The following CCBE1 variants were observed in gnomAD, a reference collection of about 807,000 sequenced individuals.
CCBE1 encodes collagen and calcium binding EGF domains 1.
Under a neutral mutation model 50.0 loss-of-function variants are expected in CCBE1, and 37 were observed. The ratio of observed to expected loss-of-function variants is 0.74; its 90% CI spans 0.57 to 0.97. CCBE1 has a LOEUF of 0.97. Ranked by LOEUF, CCBE1 falls within the 50% of genes least tolerant of loss-of-function variation. The pLI is 0.00. For missense variants in CCBE1, 538 were observed against 523.8 expected (o/e 1.03, Z -0.26); for synonymous variants, 234 against 203.7 (o/e 1.15, Z -1.27).
In CCBE1 at chr18:59,467,345, G is replaced by A. The variant is rs1410415772; in HGVS notation, c.401-454C>T. On this transcript the variant is annotated intron_variant, in intron 4 of 10. Transcript: ENST00000439986. ...TTTTTAAGTTTCCCTTTATGGTATA[G>A]GTTCCAAACAGCATGACGATGACCC... Among the ~76,000 whole-genome samples the A allele has an allele frequency of 3.3e-5, 5 of 152,188 alleles. No homozygotes were observed. In the East Asian group the frequency reaches 9.6e-4, roughly 29 times the overall value.
intron 2 of CCBE1, among the ~76,000 whole-genome samples, chr18:59,663,347 C>A (rs2054310953): frequency 6.6e-6 from 1 of 152,130 alleles, no homozygotes; most frequent in Non-Finnish European, 1.5e-5. Flanking sequence ...GAAGGACATT[C>A]CAACAGAAGA....
chr18:59,527,512 T>C (rs1335620417), intron 2 of CCBE1, among the ~76,000 whole-genome samples: 2 of 152,330 alleles, frequency 1.3e-5, no homozygotes, highest in South Asian at 4.1e-4. Flanking sequence ...GTTAATATTA[T>C]GTGTGAATTT....
chr18:59,444,856 G>A (rs1427350188), intron 7 of CCBE1, among the ~76,000 whole-genome samples: 1 of 151,972 alleles, frequency 6.6e-6, no homozygotes, highest in Non-Finnish European at 1.5e-5. Flanking sequence ...GTCTTCTTTG[G>A]AGAAATGTCT....
chr18:59,697,081 T>C (rs1357443446), intron 1 of CCBE1, 131 bp downstream of exon 1: 13 of 1,280,302 alleles, frequency 1.0e-5, no homozygotes, highest in Non-Finnish European at 1.4e-5. Flanking sequence ...CTGAGCACTC[T>C]CCTTATCCCC....
intron 2 of CCBE1, among the ~76,000 whole-genome samples, chr18:59,559,419 C>A (rs1383124866): frequency 6.6e-6 from 1 of 152,180 alleles, no homozygotes; most frequent in East Asian, 1.9e-4. Context: ...TGTGGTGGAG[C>A]ATACTTCCTG....
At chr18:59,665,382 G>A (rs2054339985) in intron 2 of CCBE1, among the ~76,000 whole-genome samples, 1 of 152,102 alleles carries the variant, frequency 6.6e-6, no homozygotes, top group Admixed American at 6.6e-5. Flanking sequence ...TAGATGGTTG[G>A]GAATTGTGGT....
At chr18:59,439,427 A>C (rs1910310664) in intron 9 of CCBE1, 116 bp downstream of exon 9, 2 of 1,267,236 alleles carry the variant, frequency 1.6e-6, no homozygotes. Flanking sequence ...AGATTGTGCC[A>C]TTGCACTCCA....
rs764783492 is a variant in CCBE1, at chr18:59,496,192, G to A, written c.213-15954C>T. Among the ~76,000 whole-genome samples, 19 of 152,132 alleles carry A rather than the reference G, an allele frequency of 1.2e-4. No homozygotes were observed. The East Asian group carries it at 2.1e-3, about 17-fold the overall frequency. ...GGTGGCTCTGTAGAGAATATCTTACGGGTTACAGGAGGCTATACAGATGTC... is the reference window on the plus strand; with the variant it reads ...GGTGGCTCTGTAGAGAATATCTTACAGGTTACAGGAGGCTATACAGATGTC... On this transcript the variant is annotated intron_variant, in intron 2 of 10. Transcript: ENST00000439986.
chr18:59,547,749 A>T (rs2144404345), intron 2 of CCBE1, among the ~76,000 whole-genome samples: 1 of 152,348 alleles, frequency 6.6e-6, no homozygotes, highest in South Asian at 2.1e-4. Context: ...GCAAACAGTG[A>T]GACCTCCAGT....
At chr18:59,497,779 T>C (rs1250554959) in intron 2 of CCBE1, among the ~76,000 whole-genome samples, 1 of 152,042 alleles carries the variant, frequency 6.6e-6, no homozygotes. Flanking sequence ...CCTGATGGGG[T>C]CACTGGGATG....
chr18:59,457,573 G>GT (rs1194541378), intron 5 of CCBE1, among the ~76,000 whole-genome samples: 1 of 152,166 alleles, frequency 6.6e-6, no homozygotes, highest in African/African-American at 2.4e-5. Context: ...ATGCCCAGCA[G>GT]TTTTCAGGCC....
At chr18:59,552,959 A>AT (rs1485725986) in intron 2 of CCBE1, among the ~76,000 whole-genome samples, 5 of 152,110 alleles carry the variant, frequency 3.3e-5, no homozygotes, top group African/African-American at 1.2e-4. Flanking sequence ...CACTGAGGAG[A>AT]TAAGGCAGAG....
rs567122043 is a variant in CCBE1 at position 59,648,530 on chromosome 18, A to AC, written c.212+48098dup. ...GACCAGCCTGGCCAACATGGAGAAAACCCCATCTTTACTAAAAACACAAAA... is the reference window on the plus strand; with the variant it reads ...GACCAGCCTGGCCAACATGGAGAAAACCCCCATCTTTACTAAAAACACAAAA... On this transcript the variant is annotated intron_variant, in intron 2 of 10. Coordinates refer to ENST00000439986, the MANE Select transcript of CCBE1 (RefSeq NM_133459.4). 1.1e-4 allele frequency among the ~76,000 whole-genome samples: 16 copies of AC among 152,124 alleles called. No individual in the cohort carries two copies. In the South Asian group the frequency reaches 2.9e-3, roughly 28 times the overall value.
chr18:59,541,340 C>T (rs1296238492), intron 2 of CCBE1, among the ~76,000 whole-genome samples: 1 of 152,168 alleles, frequency 6.6e-6, no homozygotes, highest in East Asian at 1.9e-4. Context: ...AGAATTTCAA[C>T]ACCATATGTC....
Position 59,633,518 on chromosome 18 carries a change from A to G in CCBE1, c.212+63111T>C, listed in dbSNP as rs117327832. Among the ~76,000 whole-genome samples, 493 of 152,354 alleles carry G rather than the reference A, an allele frequency of 3.2e-3. 4 individuals carry two copies. Among genetic ancestry groups the G allele is most frequent in the East Asian group, 0.028 (144 of 5,180 alleles). On this transcript the variant is annotated intron_variant, in intron 2 of 10. Transcript: ENST00000439986. ...CTCGGGCCCATGCCGAGAACAGAAC[A>G]TGGCCTTCCTCTATCATCATCTGTA... is the stretch of plus-strand genomic sequence containing the variant.
Position 59,658,321 on chromosome 18 carries a change from TAA to T in CCBE1, c.212+38306_212+38307del, listed in dbSNP as rs1157998930. Among the ~76,000 whole-genome samples the T allele has an allele frequency of 7.0e-3, 45 of 6,424 alleles. 11 individuals are homozygous for T. The highest frequency in any genetic ancestry group is 0.02 in the African/African-American group (30 of 1,536). The allele number at this position is 6,424 out of a possible 152,430, so 4.2% of individuals were successfully genotyped here. On this transcript the variant is annotated intron_variant, in intron 2 of 10. Transcript: ENST00000439986. ...GAGCAACATAGCAAGACCCTGTCTC[TAA>T]AAAAAAAAAAAAAAAAAAAAAAAAA... is the stretch of plus-strand genomic sequence containing the variant.
intron 2 of CCBE1, among the ~76,000 whole-genome samples, chr18:59,581,786 C>T (rs1247160237): frequency 1.3e-5 from 2 of 152,202 alleles, no homozygotes; most frequent in Non-Finnish European, 2.9e-5. Flanking sequence ...TATCCACCTA[C>T]TAAATGTCAG....
Position 59,679,529 on chromosome 18 carries a change from AT to A in CCBE1, c.212+17099del, listed in dbSNP as rs556619435. Among the ~76,000 whole-genome samples the A allele has an allele frequency of 3.3e-3, 498 of 152,252 alleles. 1 individual carries two copies. The highest frequency in any genetic ancestry group is 0.01 in the African/African-American group (424 of 41,544). Reference sequence around the variant, plus strand: ...GGACAGATGAAACAAACATAGCAGAATTTTCGTATGAGCATATGACTCTCCA... The same window carrying A: ...GGACAGATGAAACAAACATAGCAGAATTTCGTATGAGCATATGACTCTCCA... On this transcript the variant is annotated intron_variant, in intron 2 of 10. Coordinates refer to ENST00000439986, the MANE Select transcript of CCBE1 (RefSeq NM_133459.4).
rs143001179 is a variant in CCBE1 at position 59,510,279 on chromosome 18, T to C, written c.213-30041A>G. Among the ~76,000 whole-genome samples, 357 of 152,346 alleles carry C rather than the reference T, an allele frequency of 2.3e-3. 1 individual carries two copies. The highest frequency in any genetic ancestry group is 7.9e-3 in the African/African-American group (330 of 41,576). ...AGTTCTGACAGAGGGAGCAGGGTGC[T>C]ATGTTTATTAGGATTTAATGATATT... is the stretch of plus-strand genomic sequence containing the variant. On this transcript the variant is annotated intron_variant, in intron 2 of 10. Coordinates refer to ENST00000439986, the MANE Select transcript of CCBE1 (RefSeq NM_133459.4).
Sources: allele counts gnomAD v4.1 joint callset (sites outside exome capture counted in the v4.1 genomes callset), GRCh38; gene constraint gnomAD v4.1.1; transcripts MANE v1.5; gene names NCBI Gene and HGNC (gene_info 2026-07-23, HGNC 2026-07-21).